CACNA1A: variants seen among roughly 807,000 people sequenced by gnomAD.
The protein encoded by CACNA1A is calcium voltage-gated channel subunit alpha1 A, also known as voltage-dependent P/Q-type calcium channel subunit alpha-1A.
A neutral mutation model predicts 262.4 loss-of-function variants in CACNA1A; 57 were observed. That is an observed-to-expected ratio of 0.22 (90% CI 0.18 to 0.27). CACNA1A has a LOEUF of 0.27. Among genes scored for constraint, CACNA1A ranks in the 10% least tolerant of loss-of-function variants. CACNA1A has a pLI of 1.00. For missense variants in CACNA1A, 2,526 were observed against 3,562.8 expected (o/e 0.71, Z 7.41); for synonymous variants, 1,431 against 1,419.3 (o/e 1.01, Z -0.18).
chr19:13,494,059 A>C (rs1185981985), intron 1 of CACNA1A, among the ~76,000 whole-genome samples: 1 of 152,236 alleles, frequency 6.6e-6, no homozygotes, highest in Non-Finnish European at 1.5e-5. Flanking sequence ...GGGTACTGAA[A>C]TAGTAGACAT....
chr19:13,307,875 T>C, intron 14 of CACNA1A, 21 bp from the exon 15 acceptor site: 1 of 1,610,304 alleles, frequency 6.2e-7, no homozygotes, highest in Non-Finnish European at 8.5e-7. Context: ...GACACAGACA[T>C]TTCACGTTGG....
At chr19:13,373,226 T>C (rs951454916) in intron 3 of CACNA1A, among the ~76,000 whole-genome samples, 18 of 152,240 alleles carry the variant, frequency 1.2e-4, no homozygotes, top group African/African-American at 3.6e-4. Flanking sequence ...GGTGCAATCA[T>C]AGCTCGCTAC....
intron 1 of CACNA1A, among the ~76,000 whole-genome samples, chr19:13,504,112 A>T (rs1982727661): frequency 6.6e-6 from 1 of 152,134 alleles, no homozygotes; most frequent in African/African-American, 2.4e-5. Context: ...AGCCGAGCAA[A>T]GCCCTCTCAC....
intron 3 of CACNA1A, among the ~76,000 whole-genome samples, chr19:13,431,948 T>C (rs2060512770): frequency 6.6e-6 from 1 of 151,056 alleles, no homozygotes; most frequent in African/African-American, 2.4e-5. Context: ...CTACTAAAAA[T>C]ACAAAAATTA....
At chr19:13,383,927 A>G (rs1393093491) in intron 3 of CACNA1A, among the ~76,000 whole-genome samples, 1 of 152,036 alleles carries the variant, frequency 6.6e-6, no homozygotes, top group Admixed American at 6.6e-5. Flanking sequence ...CAATCCTTCC[A>G]CCTTGTCCTC....
At chr19:13,349,426 A>G (rs1319358170) in intron 6 of CACNA1A, among the ~76,000 whole-genome samples, 1 of 152,140 alleles carries the variant, frequency 6.6e-6, no homozygotes, top group Admixed American at 6.5e-5. Context: ...GCTGGCAAAG[A>G]GGGGGTCAGG....
At chr19:13,349,635 C>T (rs1281936815) in intron 6 of CACNA1A, among the ~76,000 whole-genome samples, 3 of 152,136 alleles carry the variant, frequency 2.0e-5, no homozygotes, top group Admixed American at 6.5e-5. Flanking sequence ...GAGAAGCAGC[C>T]CTCAATCCTA....
chr19:13,426,484 A>G (rs79359432), intron 3 of CACNA1A, among the ~76,000 whole-genome samples: 7,296 of 152,212 alleles, frequency 0.048, 216 homozygotes, highest in Middle Eastern at 0.071. Flanking sequence ...ACAGGGTGGT[A>G]GCTCACGGCC....
chr19:13,294,869 C>T lies in CACNA1A; in HGVS notation c.3089+3675G>A, dbSNP rs1372260073. ...ATTCCACCTAAACTCCCGTTTTGAT[C>T]TCTCATTCCCCTGAGTGACTGACAG... On this transcript the variant is annotated intron_variant, in intron 19 of 46. Transcript: ENST00000360228. Among the ~76,000 whole-genome samples, 4 of 152,252 alleles carry T rather than the reference C, an allele frequency of 2.6e-5. No individual in the cohort carries two copies. In the East Asian group the frequency reaches 7.7e-4, roughly 29 times the overall value.
At chr19:13,369,581 C>T (rs1241660173) in intron 4 of CACNA1A, among the ~76,000 whole-genome samples, 5 of 152,300 alleles carry the variant, frequency 3.3e-5, no homozygotes, top group South Asian at 4.1e-4. Context: ...CTCCCTCATA[C>T]GATTAGATGA....
rs1600152440 is a variant in CACNA1A, at chr19:13,241,565, C to CGGGGGGGG, written c.4950+3616_4950+3617insCCCCCCCC. The CGGGGGGGG allele has an allele frequency of 6.2e-5, 12 of 193,480 alleles. No individual in the cohort carries two copies. Among genetic ancestry groups the CGGGGGGGG allele is most frequent in the Admixed American group, 5.5e-4 (8 of 14,432 alleles). The allele number at this position is 193,480 out of a possible 1,614,324, so 12.0% of individuals were successfully genotyped here. On this transcript the variant is annotated intron_variant, in intron 31 of 46. Coordinates refer to ENST00000360228, the MANE Select transcript of CACNA1A (RefSeq NM_001127222.2). This position sits in a 1 kb window ranked among gnomAD's most constrained non-coding sequence, Gnocchi z 4.0. ...TTGAAGATGAGGGGGAGCGGGCGGG[C>CGGGGGGGG]GGGGGCAGTTGGGGAGGCGTGTTCA... is the stretch of plus-strand genomic sequence containing the variant.
rs1210620626 is a variant in CACNA1A at position 13,429,203 on chromosome 19, CA to C, written c.539+23672del. On this transcript the variant is annotated intron_variant, in intron 3 of 46. Coordinates refer to ENST00000360228, the MANE Select transcript of CACNA1A (RefSeq NM_001127222.2). ...ACACACACACACACACACACACACA[CA>C]CACCCCTCTTTCTCTCTCTTCTTGC... Among the ~76,000 whole-genome samples the C allele has an allele frequency of 5.2e-4, 76 of 146,070 alleles. No homozygotes were observed. In the East Asian group the frequency reaches 8.9e-3, roughly 17 times the overall value.
intron 1 of CACNA1A, among the ~76,000 whole-genome samples, chr19:13,480,393 C>T (rs1979132436): frequency 6.6e-6 from 1 of 152,164 alleles, no homozygotes; most frequent in Admixed American, 6.5e-5. Flanking sequence ...ATAATACTTT[C>T]TCCTCCCTAG....
At position 13,236,962 on chromosome 19, in the gene CACNA1A, G is replaced by A. The variant is rs1210232845; in HGVS notation, c.4951-1232C>T. On this transcript the variant is annotated intron_variant, in intron 31 of 46. Coordinates refer to ENST00000360228, the MANE Select transcript of CACNA1A (RefSeq NM_001127222.2). The surrounding 1 kb of genome is among the most constrained non-coding windows in gnomAD (Gnocchi z 4.6). ...TCTAGCTAATAAAACTGTTTTGTTGGGCCCGAGCAGTGTTTTTTCATTTGT... is the reference window on the plus strand; with the variant it reads ...TCTAGCTAATAAAACTGTTTTGTTGAGCCCGAGCAGTGTTTTTTCATTTGT... Among the ~76,000 whole-genome samples, 2 of 152,054 alleles carry A rather than the reference G, an allele frequency of 1.3e-5. No individual in the cohort carries two copies. Among genetic ancestry groups the A allele is most frequent in the Non-Finnish European group, 2.9e-5 (2 of 68,016 alleles).
At chr19:13,242,741 C>T (rs2056112698) in intron 31 of CACNA1A, among the ~76,000 whole-genome samples, 1 of 152,210 alleles carries the variant, frequency 6.6e-6, no homozygotes, top group Non-Finnish European at 1.5e-5. Flanking sequence ...ACACCAGGCA[C>T]ACAGTAGGTG....
chr19:13,330,157 G>A lies in CACNA1A; in HGVS notation c.1345+87C>T, dbSNP rs773118939. ...GCTGAGACCCAAATCCAGGCAGCAC[G>A]GTTTGCAAGCCCTCTGCCCCCACCC... On this transcript the variant is annotated intron_variant, in intron 10 of 46. Transcript: ENST00000360228. 19 of 892,952 alleles carry A rather than the reference G, an allele frequency of 2.1e-5. No homozygotes were observed. In the East Asian group the frequency reaches 3.5e-4, roughly 16 times the overall value. The allele number at this position is 892,952 out of a possible 1,614,324, so 55.3% of individuals were successfully genotyped here.
chr19:13,321,243 AG>A (rs2058246477), intron 10 of CACNA1A, among the ~76,000 whole-genome samples: 1 of 151,998 alleles, frequency 6.6e-6, no homozygotes, highest in Non-Finnish European at 1.5e-5. Context: ...CATGTTGGTC[AG>A]GCTGGTCTCG....
chr19:13,295,286 CAT>C (rs1204946018), intron 19 of CACNA1A, among the ~76,000 whole-genome samples: 1 of 152,170 alleles, frequency 6.6e-6, no homozygotes, highest in African/African-American at 2.4e-5. Flanking sequence ...AACCTAATAA[CAT>C]AATGATTGAG....
chr19:13,242,121 C>T (rs1356394792), intron 31 of CACNA1A, among the ~76,000 whole-genome samples: 4 of 152,166 alleles, frequency 2.6e-5, no homozygotes, highest in Non-Finnish European at 1.5e-5. Flanking sequence ...AGGACCCAAA[C>T]ACCCACCCCC....
Sources: allele counts gnomAD v4.1 joint callset (sites outside exome capture counted in the v4.1 genomes callset), GRCh38; gene constraint gnomAD v4.1.1; non-coding constraint Gnocchi (gnomAD v3.1); transcripts MANE v1.5; gene names NCBI Gene and HGNC (gene_info 2026-07-23, HGNC 2026-07-21).